EXOC4: variants seen among roughly 807,000 people sequenced by gnomAD.
The protein encoded by EXOC4 is exocyst complex component 4, also known as SEC8-like 1.
EXOC4 carries 71 observed loss-of-function variants against 107.2 expected under a neutral mutation model. The ratio of observed to expected loss-of-function variants is 0.66; its 90% CI spans 0.55 to 0.81. The LOEUF (loss-of-function observed/expected upper bound fraction) is 0.81. Among genes scored for constraint, EXOC4 ranks in the 30% least tolerant of loss-of-function variants. The pLI is 0.00. For missense variants in EXOC4, 1,108 were observed against 1,189.6 expected (o/e 0.93, Z 1.01); for synonymous variants, 456 against 441.2 (o/e 1.03, Z -0.42).
chr7:133,890,417 CTTGAG>C (rs1268787326), intron 11 of EXOC4, among the ~76,000 whole-genome samples: 1 of 73,142 alleles, frequency 1.4e-5, no homozygotes, highest in African/African-American at 1.7e-4. Context: ...TGCAGAAGCT[CTTGAG>C]TTTAATTAGA....
At chr7:133,359,829 T>A (rs943604335) in intron 6 of EXOC4, among the ~76,000 whole-genome samples, 3 of 152,192 alleles carry the variant, frequency 2.0e-5, no homozygotes, top group Admixed American at 6.5e-5. Context: ...GCCAGTTTTT[T>A]AAAAAATCAC....
chr7:133,646,395 A>G (rs1187418729), intron 10 of EXOC4, among the ~76,000 whole-genome samples: 4 of 152,144 alleles, frequency 2.6e-5, no homozygotes, highest in Non-Finnish European at 2.9e-5. Context: ...ACCCTACAAG[A>G]GGCTAGATAT....
chr7:133,469,299 C>T (rs1246237668), intron 7 of EXOC4, among the ~76,000 whole-genome samples: 5 of 152,094 alleles, frequency 3.3e-5, no homozygotes, highest in Non-Finnish European at 7.4e-5. Flanking sequence ...ACCTGTAATC[C>T]CTGCCACTCG....
rs988306012 is a variant in EXOC4, at chr7:133,307,272, C to T, written c.656+1211C>T. On this transcript the variant is annotated intron_variant, in intron 4 of 17. Coordinates refer to ENST00000253861, the MANE Select transcript of EXOC4 (RefSeq NM_021807.4). ...AGGCACTAGAAAAACTTCTGCCAGG[C>T]ACACAGATTTGATATGTACCTGAGA... Among the ~76,000 whole-genome samples, 3 of 152,260 alleles carry T rather than the reference C, an allele frequency of 2.0e-5. No homozygotes were observed. The East Asian group carries it at 5.8e-4, about 29-fold the overall frequency.
chr7:133,986,243 T>A (rs1794111144), intron 14 of EXOC4, among the ~76,000 whole-genome samples: 2 of 152,218 alleles, frequency 1.3e-5, no homozygotes, highest in Non-Finnish European at 2.9e-5. Context: ...AAGAGGTAGT[T>A]ATTACTTGGA....
At chr7:133,672,573 A>G (rs934833724) in intron 10 of EXOC4, among the ~76,000 whole-genome samples, 2 of 152,116 alleles carry the variant, frequency 1.3e-5, no homozygotes, top group South Asian at 2.1e-4. Context: ...GTGAGACTGG[A>G]TAAGTCCACC....
chr7:133,605,638 T>C (rs1801925402), intron 9 of EXOC4, among the ~76,000 whole-genome samples: 2 of 152,172 alleles, frequency 1.3e-5, no homozygotes, highest in African/African-American at 4.8e-5. Flanking sequence ...TGCAGGTGGG[T>C]CAGAGTTTGT....
chr7:133,695,413 G>A (rs980483268), intron 10 of EXOC4, among the ~76,000 whole-genome samples: 3 of 151,954 alleles, frequency 2.0e-5, no homozygotes, highest in African/African-American at 4.8e-5. Context: ...TGGTTATTAC[G>A]AATAGTGTTG....
intron 10 of EXOC4, among the ~76,000 whole-genome samples, chr7:133,761,197 G>C (rs1240965400): frequency 6.6e-6 from 1 of 152,144 alleles, no homozygotes; most frequent in African/African-American, 2.4e-5. Context: ...ACAAAGCATT[G>C]TAAGCAGAAG....
At chr7:133,862,105 CG>C (rs570314878) in intron 11 of EXOC4, among the ~76,000 whole-genome samples, 23 of 151,486 alleles carry the variant, frequency 1.5e-4, no homozygotes, top group Non-Finnish European at 3.4e-4. Context: ...CCCATAAAGC[CG>C]TAAGATTTAT....
intron 10 of EXOC4, among the ~76,000 whole-genome samples, chr7:133,638,333 TTTCCA>T (rs1802762930): frequency 1.3e-5 from 2 of 152,178 alleles, no homozygotes; most frequent in Non-Finnish European, 2.9e-5. Context: ...GGTTGTTGAA[TTTCCA>T]GGTCTACATT....
chr7:133,380,312 T>G (rs1239919071), intron 7 of EXOC4, among the ~76,000 whole-genome samples: 3 of 152,062 alleles, frequency 2.0e-5, no homozygotes, highest in African/African-American at 7.2e-5. Flanking sequence ...TTGGGGATTC[T>G]GTCTTTAAGT....
intron 10 of EXOC4, among the ~76,000 whole-genome samples, chr7:133,805,624 G>A (rs1797057103): frequency 6.6e-6 from 1 of 152,174 alleles, no homozygotes; most frequent in South Asian, 2.1e-4. Flanking sequence ...GGCCTCTGGA[G>A]GAAGTGACAT....
At chr7:133,976,721 CAG>C (rs1253182829) in intron 14 of EXOC4, among the ~76,000 whole-genome samples, 2 of 152,186 alleles carry the variant, frequency 1.3e-5, no homozygotes, top group African/African-American at 4.8e-5. Context: ...AGTTACCAGT[CAG>C]AGACCAAGTC....
intron 10 of EXOC4, among the ~76,000 whole-genome samples, chr7:133,707,609 T>TTTTA (rs1465944007): frequency 2.6e-5 from 4 of 151,986 alleles, no homozygotes; most frequent in Non-Finnish European, 5.9e-5. Context: ...GCCCTTTATT[T>TTTTA]TTTATTTATT....
intron 10 of EXOC4, among the ~76,000 whole-genome samples, chr7:133,719,171 T>G (rs1410267559): frequency 6.6e-6 from 1 of 152,130 alleles, no homozygotes; most frequent in Non-Finnish European, 1.5e-5. Flanking sequence ...AAAAGAGCAG[T>G]TTCCCTGCAC....
At chr7:133,865,687 G>A (rs1798623138) in intron 11 of EXOC4, among the ~76,000 whole-genome samples, 2 of 152,156 alleles carry the variant, frequency 1.3e-5, no homozygotes, top group Admixed American at 1.3e-4. Flanking sequence ...GAAGGCGAAG[G>A]GGAAGCAGGC....
intron 9 of EXOC4, among the ~76,000 whole-genome samples, chr7:133,573,250 C>A (rs1438702361): frequency 2.0e-5 from 3 of 152,138 alleles, no homozygotes; most frequent in Non-Finnish European, 4.4e-5. Flanking sequence ...ATGGAAGCAA[C>A]CGCATTTTTA....
the EXOC4 span, among the ~76,000 whole-genome samples, chr7:134,094,186 G>A: frequency 2.4e-4 from 36 of 151,862 alleles, no homozygotes; most frequent in African/African-American, 8.7e-4. Flanking sequence ...CTAGGTTAAC[G>A]AAGAAAAGAT....
Sources: gnomAD v4.1 joint callset for allele counts (sites outside exome capture counted in the v4.1 genomes callset) on GRCh38, gnomAD v4.1.1 for gene constraint, MANE v1.5 for transcripts, NCBI Gene and HGNC (gene_info 2026-07-23, HGNC 2026-07-21) for gene names.